ADAMTS17: variants seen among roughly 807,000 people sequenced by gnomAD.
ADAMTS17 encodes the protein ADAM metallopeptidase with thrombospondin type 1 motif 17, also known as A disintegrin and metalloproteinase with thrombospondin motifs 17.
A neutral mutation model predicts 141.5 loss-of-function variants in ADAMTS17; 113 were observed. The ratio of observed to expected loss-of-function variants is 0.80; its 90% CI spans 0.69 to 0.93. The LOEUF (loss-of-function observed/expected upper bound fraction) is 0.93. Among genes scored for constraint, ADAMTS17 ranks in the 40% least tolerant of loss-of-function variants. The pLI is 0.00. For synonymous variants in ADAMTS17, 768 were observed against 630.6 expected (o/e 1.22, Z -3.27); for missense variants, 1,659 against 1,517.9 (o/e 1.09, Z -1.54).
chr15:100,154,183 G>GAAAC (rs1285133339), intron 9 of ADAMTS17, among the ~76,000 whole-genome samples: 2 of 152,078 alleles, frequency 1.3e-5, no homozygotes, highest in Admixed American at 1.3e-4. Flanking sequence ...TCCATCTCAA[G>GAAAC]AAACAAACAA....
In ADAMTS17 at chr15:100,205,971, A is replaced by G. The variant is rs544937037; in HGVS notation, c.1076-6548T>C. ...AGACTGGAGAGGAAGCTCCACACTG[A>G]GCCACGCACCCACTGATCCCTGCTC... On this transcript the variant is annotated intron_variant, in intron 7 of 21. Transcript: ENST00000268070. Among the ~76,000 whole-genome samples the G allele has an allele frequency of 9.9e-5, 15 of 152,276 alleles. 1 individual carries two copies. The South Asian group carries it at 3.1e-3, about 32-fold the overall frequency.
At chr15:100,117,097 A>T in intron 12 of ADAMTS17, 84 bp from the exon 13 acceptor site, 4 of 1,491,552 alleles carry the variant, frequency 2.7e-6, no homozygotes, top group Non-Finnish European at 3.6e-6. Context: ...TGCCAGGGGG[A>T]GGAGAGGAAG....
chr15:100,266,988 A>G (rs1024086888), intron 4 of ADAMTS17, among the ~76,000 whole-genome samples: 3 of 152,164 alleles, frequency 2.0e-5, no homozygotes, highest in Non-Finnish European at 2.9e-5. Context: ...TTGTTTTTGT[A>G]TTTCTGGTGA....
intron 7 of ADAMTS17, among the ~76,000 whole-genome samples, chr15:100,223,206 A>G (rs1826348882): frequency 6.6e-6 from 1 of 152,176 alleles, no homozygotes. Context: ...GAAACTGTCT[A>G]AAGGGGACAG....
chr15:100,315,292 G>A (rs1163080848), intron 3 of ADAMTS17, among the ~76,000 whole-genome samples: 2 of 152,130 alleles, frequency 1.3e-5, no homozygotes, highest in African/African-American at 2.4e-5. Context: ...CTGCTGACTC[G>A]GTTCACCCCT....
chr15:100,223,350 G>C (rs1052868882), intron 7 of ADAMTS17, among the ~76,000 whole-genome samples: 5 of 152,094 alleles, frequency 3.3e-5, no homozygotes, highest in Non-Finnish European at 7.4e-5. Context: ...TTCAGTATTA[G>C]AAGACTAATA....
intron 8 of ADAMTS17, among the ~76,000 whole-genome samples, chr15:100,192,076 G>A (rs1348280695): frequency 6.6e-6 from 1 of 152,124 alleles, no homozygotes; most frequent in Non-Finnish European, 1.5e-5. Context: ...AAGGAAATAA[G>A]GCCTGCACGT....
intron 7 of ADAMTS17, among the ~76,000 whole-genome samples, chr15:100,236,432 G>A (rs1353891942): frequency 2.0e-5 from 3 of 152,054 alleles, no homozygotes; most frequent in African/African-American, 7.2e-5. Flanking sequence ...AGGTCCAGCC[G>A]GCTATGTTTA....
rs768269209 is a variant in ADAMTS17 at position 100,192,120 on chromosome 15, G to A, written c.1181+7198C>T. 4.5e-4 allele frequency among the ~76,000 whole-genome samples: 69 copies of A among 152,328 alleles called. 1 individual carries two copies. The highest frequency in any genetic ancestry group is 1.5e-4 in the Non-Finnish European group (10 of 68,034). ...ACTCTGGAATTTGGGTAAGACTGCC[G>A]TGCCCAGTGGACGCTCACACACGGA... On this transcript the variant is annotated intron_variant, in intron 8 of 21. Coordinates refer to ENST00000268070, the MANE Select transcript of ADAMTS17 (RefSeq NM_139057.4).
chr15:100,210,876 C>T (rs185224862), intron 7 of ADAMTS17, among the ~76,000 whole-genome samples: 9 of 152,068 alleles, frequency 5.9e-5, no homozygotes, highest in East Asian at 1.9e-4. Context: ...CAGAGATGGG[C>T]GGATCACGAG....
At chr15:100,277,212 C>A (rs2044128174) in intron 4 of ADAMTS17, among the ~76,000 whole-genome samples, 1 of 152,066 alleles carries the variant, frequency 6.6e-6, no homozygotes. Flanking sequence ...CACGTGTTAG[C>A]CCCGGGTCTG....
chr15:99,974,396 T>C lies in ADAMTS17; in HGVS notation c.*6A>G, dbSNP rs756484586. ...CTGAGCTTTGAGCGACCCTTGGGAC[T>C]GCGTGTCACGAGTTCGGCGGTGGCT... On this transcript the variant is annotated 3_prime_UTR_variant, in exon 22 of 22. Transcript: ENST00000268070. The C allele has an allele frequency of 1.9e-6, 3 of 1,614,042 alleles. No homozygotes were observed. Among genetic ancestry groups the C allele is most frequent in the African/African-American group, 2.7e-5 (2 of 74,956 alleles).
At chr15:100,335,437 C>T (rs2046179822) in intron 2 of ADAMTS17, among the ~76,000 whole-genome samples, 1 of 152,224 alleles carries the variant, frequency 6.6e-6, no homozygotes, top group South Asian at 2.1e-4. Flanking sequence ...ACCCTCCTCC[C>T]TCCCCAGAGC....
intron 18 of ADAMTS17, among the ~76,000 whole-genome samples, chr15:99,999,720 T>C (rs902501987): frequency 2.6e-5 from 4 of 152,046 alleles, no homozygotes; most frequent in Admixed American, 6.6e-5. Flanking sequence ...TACCAGTTTA[T>C]AGTGGGCAGA....
chr15:100,174,935 A>T (rs1285751879), intron 8 of ADAMTS17, among the ~76,000 whole-genome samples: 1 of 152,228 alleles, frequency 6.6e-6, no homozygotes, highest in Non-Finnish European at 1.5e-5. Context: ...CCATACAAAA[A>T]AGCCTCCCAG....
At chr15:100,101,227 GTCC>G (rs1476072850) in intron 14 of ADAMTS17, among the ~76,000 whole-genome samples, 8 of 152,042 alleles carry the variant, frequency 5.3e-5, no homozygotes, top group African/African-American at 1.9e-4. Context: ...CCTGCTCACT[GTCC>G]TCCTCAGCCA....
At chr15:100,237,506 A>G (rs2042695219) in intron 7 of ADAMTS17, among the ~76,000 whole-genome samples, 1 of 152,224 alleles carries the variant, frequency 6.6e-6, no homozygotes, top group African/African-American at 2.4e-5. Context: ...CACAAGGACA[A>G]GCTTCACAGA....
At chr15:100,246,717 T>A (rs2042997683) in intron 7 of ADAMTS17, among the ~76,000 whole-genome samples, 1 of 152,294 alleles carries the variant, frequency 6.6e-6, no homozygotes, top group Admixed American at 6.5e-5. Context: ...ACTACACTTT[T>A]TTTTTATTGT....
rs918722986 is a variant in ADAMTS17 at position 100,341,253 on chromosome 15, C to G, written c.236G>C (p.Arg79Pro). ...PAAPRARPGE[R>P]ALLLHLPAFG... ...GGCCGGCAGGTGCAGCAGCAGGGCGCGCTCTCCGGGCCGGGCGCGCGGGGC... is the reference window on the plus strand; with the variant it reads ...GGCCGGCAGGTGCAGCAGCAGGGCGGGCTCTCCGGGCCGGGCGCGCGGGGC... The change falls in exon 2 of 22, where the codon CGC (arginine) becomes CCC (proline). Residue 79 changes from arginine (R) to proline (P), a missense_variant. Physicochemically the swap from Arg to Pro is moderately radical, Grantham distance 103 (BLOSUM62 -2). Transcript: ENST00000268070. 10 of 1,348,540 alleles carry G rather than the reference C, an allele frequency of 7.4e-6. No homozygotes were observed. The African/African-American group carries it at 1.5e-4, about 21-fold the overall frequency. 83.5% of individuals were successfully genotyped at this position (1,348,540 alleles called of 1,614,324 possible). A position where few individuals can be genotyped will look rare whatever the true frequency, so the allele number is the denominator to read the frequency against.
Sources: allele counts gnomAD v4.1 joint callset (sites outside exome capture counted in the v4.1 genomes callset), GRCh38; gene constraint gnomAD v4.1.1; transcripts MANE v1.5; gene names NCBI Gene and HGNC (gene_info 2026-07-23, HGNC 2026-07-21).